MEI1: variants seen among roughly 807,000 people sequenced by gnomAD.
The protein encoded by MEI1 is meiosis inhibitor protein 1.
MEI1 carries 103 observed loss-of-function variants against 146.2 expected under a neutral mutation model. The observed-to-expected ratio is 0.70, with a 90% CI of 0.60 to 0.83. MEI1 has a LOEUF of 0.83. Ranked by LOEUF, MEI1 falls within the 40% of genes least tolerant of loss-of-function variation. The pLI is 0.00. For missense variants in MEI1, 1,529 were observed against 1,533.0 expected (o/e 1.00, Z 0.04); for synonymous variants, 652 against 628.2 (o/e 1.04, Z -0.57).
In MEI1 at chr22:41,798,289, T is replaced by C. The variant is rs535297489; in HGVS notation, c.3780-965T>C. 7.2e-5 allele frequency among the ~76,000 whole-genome samples: 11 copies of C among 152,158 alleles called. No homozygotes were observed. In the South Asian group the frequency reaches 1.7e-3, roughly 23 times the overall value. On this transcript the variant is annotated intron_variant, in intron 30 of 30. Coordinates refer to ENST00000401548, the MANE Select transcript of MEI1 (RefSeq NM_152513.4). ...GTGACTTCCATGTTCTTAAGAAAGC[T>C]TGGATGGCCGGGTGCAGTGGCTCAC...
intron 15 of MEI1, among the ~76,000 whole-genome samples, chr22:41,752,071 GAA>G (rs59389967): frequency 7.4e-6 from 1 of 134,794 alleles, no homozygotes. Context: ...TCCGTCTCAG[GAA>G]AAAAAAAAAA....
At chr22:41,755,772 T>G (rs1181876967) in intron 17 of MEI1, among the ~76,000 whole-genome samples, 3 of 152,176 alleles carry the variant, frequency 2.0e-5, no homozygotes, top group Non-Finnish European at 4.4e-5. Flanking sequence ...GTTTCATTAT[T>G]ATTATATTGA....
chr22:41,705,350 T>C (rs553915337), intron 2 of MEI1, among the ~76,000 whole-genome samples, 154 bp from the exon 3 acceptor site: 106 of 152,142 alleles, frequency 7.0e-4, no homozygotes, highest in South Asian at 1.7e-3. Context: ...TTTTGTGTTT[T>C]TAGTAGAGAG....
intron 26 of MEI1, among the ~76,000 whole-genome samples, chr22:41,788,254 C>T (rs752436735): frequency 2.0e-5 from 3 of 151,944 alleles, no homozygotes; most frequent in Admixed American, 1.3e-4. Flanking sequence ...GTCTCGAACT[C>T]GTGACCTCAA....
intron 1 of MEI1, among the ~76,000 whole-genome samples, chr22:41,702,416 G>T (rs1362361881): frequency 1.3e-5 from 2 of 151,568 alleles, no homozygotes. Flanking sequence ...TGGGATTACA[G>T]GTGTGAGCCA....
In MEI1 at chr22:41,717,802, T is replaced by A. The variant is rs564379646; in HGVS notation, c.530-269T>A. 4.2e-3 allele frequency among the ~76,000 whole-genome samples: 635 copies of A among 151,564 alleles called. 4 individuals carry two copies. Among genetic ancestry groups the A allele is most frequent in the Non-Finnish European group, 6.8e-3 (464 of 67,786 alleles). ...GGCTAATTTTTGTATTTTTAGTAGATGCTGGGTCTCGTCTTGTTGGCCAGG... is the reference window on the plus strand; with the variant it reads ...GGCTAATTTTTGTATTTTTAGTAGAAGCTGGGTCTCGTCTTGTTGGCCAGG... On this transcript the variant is annotated intron_variant, in intron 5 of 30. Transcript: ENST00000401548.
intron 15 of MEI1, among the ~76,000 whole-genome samples, chr22:41,749,545 G>A (rs1404535624): frequency 6.6e-6 from 1 of 152,128 alleles, no homozygotes; most frequent in Non-Finnish European, 1.5e-5. Context: ...AAAGTGCTGG[G>A]GTTACAGACG....
intron 21 of MEI1, among the ~76,000 whole-genome samples, chr22:41,777,532 T>G (rs978379214): frequency 3.9e-5 from 6 of 152,154 alleles, no homozygotes; most frequent in Non-Finnish European, 8.8e-5. Flanking sequence ...GAAGTAGATT[T>G]AAAGGTGTCA....
At chr22:41,717,950 T>G (rs146423150) in intron 5 of MEI1, 121 bp from the exon 6 acceptor site, 2 of 841,702 alleles carry the variant, frequency 2.4e-6, no homozygotes, top group East Asian at 5.3e-5. Context: ...GCAGAAAGCA[T>G]TTTTTGTGGG....
chr22:41,725,175 G>C (rs965397449), intron 7 of MEI1, among the ~76,000 whole-genome samples: 3 of 151,676 alleles, frequency 2.0e-5, no homozygotes, highest in Admixed American at 6.6e-5. Flanking sequence ...GCAGTGGCGT[G>C]ATCTTGGCTC....
intron 14 of MEI1, among the ~76,000 whole-genome samples, chr22:41,746,712 C>T (rs920271609): frequency 3.3e-5 from 5 of 152,074 alleles, no homozygotes; most frequent in African/African-American, 1.2e-4. Context: ...CCCTGTTAGT[C>T]GGGAAAGGGC....
chr22:41,714,312 G>T (rs889757262), intron 4 of MEI1, among the ~76,000 whole-genome samples: 10 of 152,118 alleles, frequency 6.6e-5, no homozygotes, highest in Non-Finnish European at 1.3e-4. Flanking sequence ...ATGCAATGAA[G>T]TGCCATCTTT....
At chr22:41,792,437 G>A (rs2076212320) in intron 26 of MEI1, among the ~76,000 whole-genome samples, 1 of 152,172 alleles carries the variant, frequency 6.6e-6, no homozygotes, top group African/African-American at 2.4e-5. Flanking sequence ...TAATCTTTAT[G>A]TTCTCCATCT....
Position 41,784,761 on chromosome 22 carries a change from G to C in MEI1, c.3323G>C (p.Gly1108Ala). 6.2e-7 allele frequency: 1 copy of C among 1,610,456 alleles called. No individual in the cohort carries two copies. The highest frequency in any genetic ancestry group is 2.2e-5 in the East Asian group (1 of 44,800). ...RMSQVRSLVIGLQNLLVQKDP... is the reference protein window; with the variant it reads ...RMSQVRSLVIALQNLLVQKDP... ...TCGCAAGTCCGGTCCCTGGTCATTG[G>C]GCTGCAGAACCTCCTGGTGCAGGTA... The change falls in exon 26 of 31, where the codon GGG becomes GCG. Residue 1108 changes from glycine to alanine, a missense_variant. By Grantham distance (60) the Gly-to-Ala change is moderately conservative (BLOSUM62 0). Coordinates refer to ENST00000401548, the MANE Select transcript of MEI1 (RefSeq NM_152513.4).
chr22:41,779,985 T>G (rs945274933), intron 22 of MEI1, among the ~76,000 whole-genome samples: 1 of 152,178 alleles, frequency 6.6e-6, no homozygotes, highest in Non-Finnish European at 1.5e-5. Flanking sequence ...ATGGGGCATC[T>G]TCCCTGCCTG....
At chr22:41,726,615 GA>G (rs1386123614) in intron 7 of MEI1, among the ~76,000 whole-genome samples, 3 of 152,044 alleles carry the variant, frequency 2.0e-5, no homozygotes, top group African/African-American at 7.2e-5. Context: ...TAACAGCTCT[GA>G]AATTGGGAGA....
chr22:41,721,237 C>CTGTGTTT (rs2070763033), intron 6 of MEI1, among the ~76,000 whole-genome samples: 1 of 70,484 alleles, frequency 1.4e-5, no homozygotes, highest in African/African-American at 6.9e-5. Flanking sequence ...CACGCCCGTT[C>CTGTGTTT]TTTTTTTTTT....
chr22:41,780,673 C>T (rs531312443), intron 22 of MEI1, among the ~76,000 whole-genome samples: 10 of 150,858 alleles, frequency 6.6e-5, no homozygotes, highest in South Asian at 2.1e-4. Context: ...CTCTACCTCT[C>T]GGGCTCAGGC....
At position 41,716,124 on chromosome 22, in the gene MEI1, A is replaced by G. The variant is rs752767059; in HGVS notation, c.507A>G (p.Ala169=). ...TGGTGGATGCCATCCCTGCTCTGGC[A>G]GACGAGCTTGTAATGGAGCATGGTG... ...GKLVDAIPAL[A]DELVMEHGNL... is the part of the protein sequence containing the mutation. The change falls in exon 5 of 31, where the codon GCA becomes GCG. Residue 169 remains alanine, a synonymous_variant. Coordinates refer to ENST00000401548, the MANE Select transcript of MEI1 (RefSeq NM_152513.4). 15 of 1,609,678 alleles carry G rather than the reference A, an allele frequency of 9.3e-6. No individual in the cohort carries two copies. The highest frequency in any genetic ancestry group is 2.5e-6 in the Non-Finnish European group (3 of 1,178,036).
Sources: allele counts gnomAD v4.1 joint callset (sites outside exome capture counted in the v4.1 genomes callset), GRCh38; gene constraint gnomAD v4.1.1; transcripts MANE v1.5; gene names NCBI Gene and HGNC (gene_info 2026-07-23, HGNC 2026-07-21).